DCC: variants seen among roughly 807,000 people sequenced by gnomAD.
DCC encodes DCC netrin 1 receptor, also known as netrin receptor DCC.
DCC carries 58 observed loss-of-function variants against 172.5 expected under a neutral mutation model. That is an observed-to-expected ratio of 0.34 (90% CI 0.27 to 0.42). DCC has a LOEUF of 0.42. DCC is among the 10% of genes least tolerant of loss of function. DCC has a pLI of 1.00. For missense variants in DCC, 1,740 were observed against 1,791.0 expected (o/e 0.97, Z 0.51); for synonymous variants, 709 against 644.5 (o/e 1.10, Z -1.52).
intron 12 of DCC, among the ~76,000 whole-genome samples, chr18:53,257,255 T>C (rs1359398276): frequency 6.6e-6 from 1 of 152,160 alleles, no homozygotes; most frequent in Non-Finnish European, 1.5e-5. Context: ...CTATGTTGAA[T>C]AGGAGTGGTG....
chr18:53,130,884 C>T (rs1045479604), intron 7 of DCC, among the ~76,000 whole-genome samples: 1 of 151,910 alleles, frequency 6.6e-6, no homozygotes, highest in African/African-American at 2.4e-5. Flanking sequence ...GTTTTGGGGG[C>T]TTAATGTGTT....
chr18:53,093,802 G>T (rs1328376858), intron 7 of DCC, among the ~76,000 whole-genome samples: 2 of 152,132 alleles, frequency 1.3e-5, no homozygotes, highest in Admixed American at 6.5e-5. Context: ...ACACTAAAGA[G>T]CTTCATCTAT....
intron 19 of DCC, among the ~76,000 whole-genome samples, chr18:53,404,828 G>T (rs965695515): frequency 2.0e-5 from 3 of 151,294 alleles, no homozygotes; most frequent in Non-Finnish European, 4.4e-5. Flanking sequence ...GCATATAAAA[G>T]AAACTTTGTC....
chr18:53,098,909 G>C (rs980047652), intron 7 of DCC, among the ~76,000 whole-genome samples: 1 of 152,102 alleles, frequency 6.6e-6, no homozygotes, highest in African/African-American at 2.4e-5. Context: ...TAGTCTGGAG[G>C]CTGAGACAGA....
chr18:53,253,046 T>A (rs2056458675), intron 12 of DCC, among the ~76,000 whole-genome samples: 2 of 151,942 alleles, frequency 1.3e-5, no homozygotes, highest in Admixed American at 1.3e-4. Context: ...ATTTTCGTAT[T>A]AATCAAAAAT....
chr18:52,389,675 A>G (rs2144345454), intron 1 of DCC, among the ~76,000 whole-genome samples: 1 of 152,270 alleles, frequency 6.6e-6, no homozygotes, highest in East Asian at 1.9e-4. Context: ...TACATTTGCA[A>G]CAAGGAAACA....
chr18:53,037,558 A>T (rs575095486), intron 5 of DCC, among the ~76,000 whole-genome samples: 11 of 152,120 alleles, frequency 7.2e-5, no homozygotes, highest in African/African-American at 2.4e-4. Flanking sequence ...GTAGAAGATC[A>T]TAAAAAATTG....
chr18:52,961,561 C>A (rs1209489380), intron 5 of DCC, among the ~76,000 whole-genome samples: 1 of 152,166 alleles, frequency 6.6e-6, no homozygotes, highest in Non-Finnish European at 1.5e-5. Context: ...AAGGCTCATG[C>A]TGAAAGCCAC....
intron 27 of DCC, among the ~76,000 whole-genome samples, chr18:53,508,144 C>T (rs983400324): frequency 5.9e-5 from 9 of 151,992 alleles, no homozygotes; most frequent in East Asian, 1.9e-4. Context: ...CTGCCCGCCT[C>T]GGCCTCCCAA....
chr18:53,005,398 A>C (rs1241390473), intron 5 of DCC, among the ~76,000 whole-genome samples: 1 of 152,154 alleles, frequency 6.6e-6, no homozygotes, highest in Non-Finnish European at 1.5e-5. Flanking sequence ...CAGGTAACAC[A>C]CTGATAAACA....
intron 1 of DCC, among the ~76,000 whole-genome samples, chr18:52,676,970 GT>G (rs1043844784): frequency 5.3e-5 from 8 of 151,966 alleles, no homozygotes; most frequent in African/African-American, 1.2e-4. Context: ...TGATATCTTT[GT>G]TTTTTTTCCC....
intron 15 of DCC, among the ~76,000 whole-genome samples, chr18:53,346,517 T>C (rs2057727507): frequency 6.6e-6 from 1 of 152,166 alleles, no homozygotes; most frequent in Non-Finnish European, 1.5e-5. Flanking sequence ...ATTTATCCTG[T>C]TCTATTATCA....
chr18:53,281,373 A>C (rs2056869885), intron 12 of DCC, among the ~76,000 whole-genome samples: 1 of 152,180 alleles, frequency 6.6e-6, no homozygotes, highest in African/African-American at 2.4e-5. Flanking sequence ...AATTCTGACT[A>C]TATAAGGTCA....
At position 53,014,790 on chromosome 18, in the gene DCC, C is replaced by T. The variant is rs187248710; in HGVS notation, c.986-48515C>T. On this transcript the variant is annotated intron_variant, in intron 5 of 28. Transcript: ENST00000442544. ...TTTAGAGAGAATGGCTGAATTGCTGCATAAACATCTGAAGCTGGCAGGAGG... is the reference window on the plus strand; with the variant it reads ...TTTAGAGAGAATGGCTGAATTGCTGTATAAACATCTGAAGCTGGCAGGAGG... Among the ~76,000 whole-genome samples, 1,147 of 152,080 alleles carry T rather than the reference C, an allele frequency of 7.5e-3. 13 individuals are homozygous for T. Among genetic ancestry groups the T allele is most frequent in the Non-Finnish European group, 0.01 (687 of 67,998 alleles).
At chr18:52,845,528 A>G (rs1296719255) in intron 2 of DCC, among the ~76,000 whole-genome samples, 2 of 152,152 alleles carry the variant, frequency 1.3e-5, no homozygotes, top group Non-Finnish European at 2.9e-5. Context: ...GAAAACCTCT[A>G]AACAATTAGA....
intron 1 of DCC, among the ~76,000 whole-genome samples, chr18:52,722,277 G>A (rs995777179): frequency 6.6e-6 from 1 of 152,018 alleles, no homozygotes. Context: ...TGCTTATATT[G>A]TTCCTTTTTA....
intron 15 of DCC, among the ~76,000 whole-genome samples, chr18:53,353,629 T>G (rs2144911878): frequency 6.6e-6 from 1 of 152,298 alleles, no homozygotes; most frequent in South Asian, 2.1e-4. Flanking sequence ...GTGAAAAAGT[T>G]TTAAGTTTGC....
chr18:53,358,295 T>C (rs895771725), intron 15 of DCC, among the ~76,000 whole-genome samples: 2 of 152,150 alleles, frequency 1.3e-5, no homozygotes, highest in African/African-American at 2.4e-5. Context: ...CAAATGTTCT[T>C]GATCATTTAG....
rs189176342 is a variant in DCC, at chr18:52,968,298, G to T, written c.985+42928G>T. ...AGGCACATTTTCTACTAATAGTGAG[G>T]GTGTTGAAGGATGAATTGCAATGCA... On this transcript the variant is annotated intron_variant, in intron 5 of 28. Coordinates refer to ENST00000442544, the MANE Select transcript of DCC (RefSeq NM_005215.4). Among the ~76,000 whole-genome samples the T allele has an allele frequency of 3.3e-5, 5 of 152,198 alleles. No homozygotes were observed. In the East Asian group the frequency reaches 9.7e-4, roughly 29 times the overall value.
Sources: allele counts gnomAD v4.1 joint callset (sites outside exome capture counted in the v4.1 genomes callset), GRCh38; gene constraint gnomAD v4.1.1; transcripts MANE v1.5; gene names NCBI Gene and HGNC (gene_info 2026-07-23, HGNC 2026-07-21).